The following MACROD1 variants were observed in gnomAD, a reference collection of about 807,000 sequenced individuals.
MACROD1 encodes the protein mono-ADP ribosylhydrolase 1, also known as ADP-ribose glycohydrolase MACROD1.
MACROD1 carries 31 observed loss-of-function variants against 41.4 expected under a neutral mutation model. The ratio of observed to expected loss-of-function variants is 0.75; its 90% CI spans 0.56 to 1.01. MACROD1 has a LOEUF of 1.01. Among genes scored for constraint, MACROD1 ranks in the 50% least tolerant of loss-of-function variants. MACROD1 has a pLI of 0.00. For synonymous variants in MACROD1, 252 were observed against 203.4 expected, an observed-to-expected ratio of 1.24 and a Z score of -2.03; for missense variants, 473 against 460.0, an observed-to-expected ratio of 1.03 and a Z score of -0.26.
chr11:64,027,639 C>T (rs932937605), intron 3 of MACROD1, among the ~76,000 whole-genome samples: 3 of 152,114 alleles, frequency 2.0e-5, no homozygotes, highest in African/African-American at 7.2e-5. Context: ...CATGTCTAGC[C>T]CACCCAGAGG....
chr11:64,073,050 C>T (rs1233763395), intron 3 of MACROD1, among the ~76,000 whole-genome samples: 2 of 152,206 alleles, frequency 1.3e-5, no homozygotes, highest in Non-Finnish European at 2.9e-5. Flanking sequence ...GCAGGCCCAG[C>T]TCCTGACGGC....
chr11:64,147,518 G>A (rs1945511497), intron 3 of MACROD1, among the ~76,000 whole-genome samples: 1 of 150,680 alleles, frequency 6.6e-6, no homozygotes, highest in Non-Finnish European at 1.5e-5. Context: ...AGCCTCCTGG[G>A]TTCAAGTGAT....
chr11:64,123,001 C>T (rs1003469003), intron 3 of MACROD1, among the ~76,000 whole-genome samples: 1 of 152,252 alleles, frequency 6.6e-6, no homozygotes. Context: ...CTGAACGTGC[C>T]AGAGAGGAGG....
chr11:64,064,032 G>C lies in MACROD1; in HGVS notation c.518-48751C>G, dbSNP rs1314961263. On this transcript the variant is annotated intron_variant, in intron 3 of 10. Transcript: ENST00000255681. The surrounding 1 kb of genome is among the most constrained non-coding windows in gnomAD (Gnocchi z 4.5). ...GCAGGGAGAGAGCGCATCTTCACTG[G>C]ATCTTTGTAGGTTAGCCAGCTTTGA... Among the ~76,000 whole-genome samples the C allele has an allele frequency of 6.6e-6, 1 of 152,252 alleles. No homozygotes were observed. The highest frequency in any genetic ancestry group is 1.9e-4 in the East Asian group (1 of 5,170).
chr11:64,019,189 C>A (rs1055574935), intron 3 of MACROD1, among the ~76,000 whole-genome samples: 1 of 152,188 alleles, frequency 6.6e-6, no homozygotes, highest in Non-Finnish European at 1.5e-5. Flanking sequence ...CACTGCAGGC[C>A]GAGGTGGCCC....
intron 3 of MACROD1, among the ~76,000 whole-genome samples, chr11:64,135,901 C>T (rs1028909520): frequency 6.6e-6 from 1 of 152,234 alleles, no homozygotes; most frequent in African/African-American, 2.4e-5. Context: ...CCCCTTCCCC[C>T]ACTAAGCTCC....
intron 3 of MACROD1, among the ~76,000 whole-genome samples, chr11:64,137,378 T>C (rs1372073322): frequency 6.6e-6 from 1 of 151,680 alleles, no homozygotes; most frequent in African/African-American, 2.4e-5. Context: ...AGATAAAGAA[T>C]AGTTGGTGAG....
At chr11:64,092,307 C>G (rs563822431) in intron 3 of MACROD1, among the ~76,000 whole-genome samples, 1 of 152,276 alleles carries the variant, frequency 6.6e-6, no homozygotes, top group East Asian at 1.9e-4. Flanking sequence ...CCAGGCAGGC[C>G]AGGGGATGTG....
intron 3 of MACROD1, among the ~76,000 whole-genome samples, chr11:64,115,005 A>G (rs1944951132): frequency 6.6e-6 from 1 of 152,174 alleles, no homozygotes; most frequent in Admixed American, 6.5e-5. Flanking sequence ...TGGGGCATGA[A>G]AATAAGGTCC....
intron 4 of MACROD1, 90 bp from the exon 5 acceptor site, chr11:64,000,433 G>T: frequency 1.2e-6 from 1 of 836,746 alleles, no homozygotes; most frequent in Non-Finnish European, 1.7e-6. Flanking sequence ...CCTCGGCGAT[G>T]CGAGGACCCA....
chr11:64,064,079 C>T lies in MACROD1; in HGVS notation c.518-48798G>A, dbSNP rs546159989. On this transcript the variant is annotated intron_variant, in intron 3 of 10. Coordinates refer to ENST00000255681, the MANE Select transcript of MACROD1 (RefSeq NM_014067.4). This position sits in a 1 kb window ranked among gnomAD's most constrained non-coding sequence, Gnocchi z 4.5. ...TTGAACAGCGACACCCACACAAACC[C>T]GAGGTCTCTCTCTCTGCGCCCCCTA... 1.3e-5 allele frequency among the ~76,000 whole-genome samples: 2 copies of T among 152,176 alleles called. No homozygotes were observed. The highest frequency in any genetic ancestry group is 2.4e-5 in the African/African-American group (1 of 41,432).
chr11:64,055,337 A>T (rs1422978566), intron 3 of MACROD1, among the ~76,000 whole-genome samples: 1 of 152,106 alleles, frequency 6.6e-6, no homozygotes, highest in African/African-American at 2.4e-5. Flanking sequence ...CTCTTTAAAT[A>T]CCAGCTGGAA....
chr11:64,006,749 G>A (rs1942919617), intron 4 of MACROD1, among the ~76,000 whole-genome samples: 1 of 152,158 alleles, frequency 6.6e-6, no homozygotes, highest in South Asian at 2.1e-4. Flanking sequence ...TTACACAGGG[G>A]CCAGCTGCGG....
chr11:64,065,585 C>T (rs184881625), intron 3 of MACROD1, among the ~76,000 whole-genome samples: 38 of 151,746 alleles, frequency 2.5e-4, no homozygotes, highest in South Asian at 1.5e-3. Flanking sequence ...GTCAGGAGAT[C>T]AAGACCATCC....
intron 3 of MACROD1, among the ~76,000 whole-genome samples, chr11:64,056,203 G>T (rs1943782593): frequency 6.6e-6 from 1 of 152,166 alleles, no homozygotes; most frequent in East Asian, 1.9e-4. Context: ...GGGTGTCTTT[G>T]CCCATTTGGC....
chr11:64,117,495 T>A, intron 3 of MACROD1: 1 of 1,611,214 alleles, frequency 6.2e-7, no homozygotes, highest in Non-Finnish European at 8.5e-7. Flanking sequence ...GGGTTCCCTG[T>A]TTACCCTCAA....
Position 64,135,134 on chromosome 11 carries a change from G to A in MACROD1, c.517+16105C>T, listed in dbSNP as rs181400224. On this transcript the variant is annotated intron_variant, in intron 3 of 10. Transcript: ENST00000255681. ...TTACACTGAGAAGTCTACACTGCCA[G>A]TGGCTGGCAAGGTGCCCCAGATGGC... 1.3e-3 allele frequency among the ~76,000 whole-genome samples: 191 copies of A among 152,378 alleles called. 1 individual carries two copies. In the South Asian group the frequency reaches 0.026, roughly 21 times the overall value.
chr11:64,117,724 A>C lies in MACROD1; in HGVS notation c.517+33515T>G, dbSNP rs1474897315. 6.2e-7 allele frequency: 1 copy of C among 1,613,744 alleles called. No individual in the cohort carries two copies. Among genetic ancestry groups the C allele is most frequent in the Non-Finnish European group, 8.5e-7 (1 of 1,179,952 alleles). ...GGCTCCATCACGGAGACCTTGGTGCAGGGGGACAAGACAGAGTACCTGCTG... is the reference window on the plus strand; with the variant it reads ...GGCTCCATCACGGAGACCTTGGTGCCGGGGGACAAGACAGAGTACCTGCTG... On this transcript the variant is annotated intron_variant, in intron 3 of 10. Coordinates refer to ENST00000255681, the MANE Select transcript of MACROD1 (RefSeq NM_014067.4).
intron 3 of MACROD1, among the ~76,000 whole-genome samples, chr11:64,034,014 C>T (rs1278297118): frequency 6.6e-6 from 1 of 152,198 alleles, no homozygotes. Flanking sequence ...AACAGAGCTA[C>T]AATCATACAA....
Sources: gnomAD v4.1 joint callset for allele counts (sites outside exome capture counted in the v4.1 genomes callset) on GRCh38, gnomAD v4.1.1 for gene constraint, Gnocchi (gnomAD v3.1) non-coding constraint, MANE v1.5 for transcripts, NCBI Gene and HGNC (gene_info 2026-07-23, HGNC 2026-07-21) for gene names.